Variants in PCDHA11 observed in about 807,000 individuals in gnomAD.
PCDHA11 encodes protocadherin alpha 11.
A neutral mutation model predicts 70.3 loss-of-function variants in PCDHA11; 61 were observed. The ratio of observed to expected loss-of-function variants is 0.87; its 90% CI spans 0.71 to 1.07. The LOEUF (loss-of-function observed/expected upper bound fraction) is 1.07. Ranked by LOEUF, PCDHA11 falls within the 50% of genes least tolerant of loss-of-function variation. The pLI is 0.00. For synonymous variants in PCDHA11, 633 were observed against 555.1 expected, an observed-to-expected ratio of 1.14 and a Z score of -1.97; for missense variants, 1,324 against 1,237.5, an observed-to-expected ratio of 1.07 and a Z score of -1.05.
At chr5:140,936,628 T>C (rs1208761817) in intron 1 of PCDHA11, among the ~76,000 whole-genome samples, 5 of 152,258 alleles carry the variant, frequency 3.3e-5, no homozygotes, top group Non-Finnish European at 7.3e-5. Flanking sequence ...GTGCTACCTT[T>C]GTCATAAGCA....
intron 3 of PCDHA11, among the ~76,000 whole-genome samples, chr5:140,992,501 A>G (rs1437736734): frequency 6.6e-6 from 1 of 152,206 alleles, no homozygotes. Context: ...TAAGGATTCA[A>G]TCCTGGGGCA....
intron 1 of PCDHA11, among the ~76,000 whole-genome samples, chr5:140,878,943 T>C (rs968532854): frequency 6.6e-6 from 1 of 152,220 alleles, no homozygotes; most frequent in Non-Finnish European, 1.5e-5. Context: ...AATAAATATA[T>C]GGTATTGAAA....
At chr5:140,967,166 G>T (rs563863114) in intron 1 of PCDHA11, 1 of 1,611,394 alleles carries the variant, frequency 6.2e-7, no homozygotes, top group South Asian at 1.1e-5. Context: ...GGTGAGCGCC[G>T]TTGAGGTGGA....
intron 3 of PCDHA11, among the ~76,000 whole-genome samples, chr5:140,999,809 CAA>C (rs1350603380): frequency 1.3e-5 from 2 of 152,160 alleles, no homozygotes; most frequent in African/African-American, 2.4e-5. Flanking sequence ...GGGCACAAAG[CAA>C]GAGCTGTGGC....
intron 3 of PCDHA11, among the ~76,000 whole-genome samples, chr5:140,985,689 C>A (rs1237077456): frequency 6.6e-6 from 1 of 151,906 alleles, no homozygotes; most frequent in African/African-American, 2.4e-5. Flanking sequence ...TTACGCTAAT[C>A]CTCGTTCATA....
chr5:141,005,475 G>A (rs1011400158), intron 3 of PCDHA11, among the ~76,000 whole-genome samples: 8 of 151,670 alleles, frequency 5.3e-5, no homozygotes, highest in African/African-American at 1.9e-4. Flanking sequence ...AGGCCGAGAC[G>A]GGCGGATCAT....
intron 3 of PCDHA11, among the ~76,000 whole-genome samples, chr5:140,985,672 G>A (rs1195009915): frequency 6.6e-6 from 1 of 151,738 alleles, no homozygotes. Flanking sequence ...AGGAAGTGGG[G>A]CCTGCCTTAC....
chr5:140,904,365 A>G (rs1036617665), intron 1 of PCDHA11, among the ~76,000 whole-genome samples: 2 of 151,790 alleles, frequency 1.3e-5, no homozygotes, highest in African/African-American at 4.8e-5. Context: ...CCATTATTTC[A>G]TTCCTTTTTA....
intron 3 of PCDHA11, among the ~76,000 whole-genome samples, chr5:141,006,584 GA>G (rs1353712503): frequency 6.6e-6 from 1 of 152,126 alleles, no homozygotes; most frequent in Non-Finnish European, 1.5e-5. Context: ...GAGGGTTGGA[GA>G]GAAGCAAAAG....
Position 140,897,056 on chromosome 5 carries a change from T to C in PCDHA11, c.2391+25562T>C, listed in dbSNP as rs147544543. Among the ~76,000 whole-genome samples the C allele has an allele frequency of 2.6e-3, 395 of 152,288 alleles. 2 individuals carry two copies. The highest frequency in any genetic ancestry group is 9.2e-3 in the African/African-American group (384 of 41,556). ...ATAGTCACCCTATTCTGCTGTCAAA[T>C]ACTATGTCTTATTCATTTTTTCTAT... On this transcript the variant is annotated intron_variant, in intron 1 of 3. Coordinates refer to ENST00000398640, the MANE Select transcript of PCDHA11 (RefSeq NM_018902.5).
chr5:140,882,104 A>C, intron 1 of PCDHA11: 2 of 1,343,832 alleles, frequency 1.5e-6, no homozygotes. Context: ...CGTTTCCGCG[A>C]AGAAAGCCGC....
chr5:140,877,371 G>C, intron 1 of PCDHA11: 2 of 1,613,994 alleles, frequency 1.2e-6, no homozygotes, highest in Non-Finnish European at 8.5e-7. Context: ...AGATCAGCAC[G>C]ACACGCATCC....
At chr5:140,936,367 A>C (rs1347774517) in intron 1 of PCDHA11, among the ~76,000 whole-genome samples, 2 of 152,230 alleles carry the variant, frequency 1.3e-5, no homozygotes, top group East Asian at 1.9e-4. Flanking sequence ...GCTACTGAGC[A>C]CTTGAAATGT....
At chr5:140,876,184 A>T in intron 1 of PCDHA11, 1 of 1,613,968 alleles carries the variant, frequency 6.2e-7, no homozygotes. Flanking sequence ...TGTGAATGAC[A>T]ATGGTCCGGC....
At chr5:140,927,063 C>G in intron 1 of PCDHA11, 1 of 1,611,332 alleles carries the variant, frequency 6.2e-7, no homozygotes. Context: ...ACTTTCGCTT[C>G]CTTTCCAGCC....
At chr5:140,899,795 G>A (rs551068307) in intron 1 of PCDHA11, among the ~76,000 whole-genome samples, 59 of 152,222 alleles carry the variant, frequency 3.9e-4, no homozygotes, top group Non-Finnish European at 7.5e-4. Flanking sequence ...ATTCGGCTGT[G>A]AATCCAATAT....
chr5:140,945,246 G>A (rs1257337219), intron 1 of PCDHA11, among the ~76,000 whole-genome samples: 1 of 151,864 alleles, frequency 6.6e-6, no homozygotes, highest in African/African-American at 2.4e-5. Context: ...TTAACCAAGA[G>A]GATGAAAGAC....
chr5:140,920,029 T>C (rs1584162393), intron 1 of PCDHA11, among the ~76,000 whole-genome samples: 1 of 152,118 alleles, frequency 6.6e-6, no homozygotes, highest in African/African-American at 2.4e-5. Flanking sequence ...GAGACAGAGA[T>C]TGGAGTGATG....
chr5:140,998,646 C>A (rs1413467899), intron 3 of PCDHA11, among the ~76,000 whole-genome samples: 1 of 151,870 alleles, frequency 6.6e-6, no homozygotes, highest in Non-Finnish European at 1.5e-5. Context: ...CTCACTGCAA[C>A]CTCTGCCTCC....
Sources: gnomAD v4.1 joint callset for allele counts (sites outside exome capture counted in the v4.1 genomes callset) on GRCh38, gnomAD v4.1.1 for gene constraint, MANE v1.5 for transcripts, NCBI Gene and HGNC (gene_info 2026-07-23, HGNC 2026-07-21) for gene names.